SYNPR: variants seen among roughly 807,000 people sequenced by gnomAD.
SYNPR encodes the protein synaptoporin.
In SYNPR, 23 loss-of-function variants were observed where a neutral mutation model predicts 32.9. The ratio of observed to expected loss-of-function variants is 0.70; its 90% CI spans 0.50 to 0.99. The LOEUF (loss-of-function observed/expected upper bound fraction) is 0.99. SYNPR is among the 50% of genes least tolerant of loss of function. The pLI is 0.00. For synonymous variants in SYNPR, 146 were observed against 135.9 expected (o/e 1.07, Z -0.52); for missense variants, 318 against 349.3 (o/e 0.91, Z 0.71).
chr3:63,498,729 G>C (rs1481366685), intron 3 of SYNPR, among the ~76,000 whole-genome samples: 1 of 152,122 alleles, frequency 6.6e-6, no homozygotes, highest in Non-Finnish European at 1.5e-5. Flanking sequence ...GATGCAGTGA[G>C]GCGGGGAGGA....
intron 1 of SYNPR, among the ~76,000 whole-genome samples, chr3:63,239,560 C>T (rs2086224344): frequency 2.0e-5 from 3 of 150,956 alleles, no homozygotes; most frequent in Non-Finnish European, 4.4e-5. Context: ...TGTCACCAAT[C>T]CTACCGTTGT....
chr3:63,294,361 G>A (rs2086772617), intron 2 of SYNPR, among the ~76,000 whole-genome samples: 1 of 152,188 alleles, frequency 6.6e-6, no homozygotes, highest in Non-Finnish European at 1.5e-5. Context: ...CAGTTTGATA[G>A]TGGAAATGAA....
chr3:63,279,133 T>C lies in SYNPR; in HGVS notation c.84+391T>C, dbSNP rs575230951. ...ATGAGGGGATGGGTGGAGGGACCCA[T>C]AGTTGAGCGGAGGAGCCGGGAAGAC... On this transcript the variant is annotated intron_variant, in intron 2 of 5. Coordinates refer to ENST00000478300, the MANE Select transcript of SYNPR (RefSeq NM_001130003.2). Among the ~76,000 whole-genome samples, 36 of 152,150 alleles carry C rather than the reference T, an allele frequency of 2.4e-4. No individual in the cohort carries two copies. The South Asian group carries it at 2.7e-3, about 11-fold the overall frequency.
At chr3:63,203,767 TG>T in the SYNPR span, among the ~76,000 whole-genome samples, 1 of 152,034 alleles carries the variant, frequency 6.6e-6, no homozygotes, top group African/African-American at 2.4e-5. Flanking sequence ...GAGGCCAAGG[TG>T]GGCGGATCAC....
intron 4 of SYNPR, among the ~76,000 whole-genome samples, chr3:63,581,735 C>T (rs1388096057): frequency 6.6e-6 from 1 of 151,978 alleles, no homozygotes; most frequent in African/African-American, 2.4e-5. Context: ...ACCACTCACT[C>T]CAGGAGACTT....
intron 3 of SYNPR, among the ~76,000 whole-genome samples, chr3:63,487,979 T>C (rs1315374044): frequency 6.6e-6 from 1 of 152,110 alleles, no homozygotes; most frequent in Non-Finnish European, 1.5e-5. Context: ...TGCTCTGTCG[T>C]TCCCCCACCC....
chr3:63,442,514 A>G (rs1222047956), intron 2 of SYNPR, among the ~76,000 whole-genome samples: 1 of 152,136 alleles, frequency 6.6e-6, no homozygotes. Context: ...CAAGAATTTG[A>G]TACAAATGCC....
At chr3:63,595,757 A>T (rs66805237) in intron 4 of SYNPR, among the ~76,000 whole-genome samples, 695 of 30,960 alleles carry the variant, frequency 0.022, 37 homozygotes, top group East Asian at 0.06. Context: ...ATATATATAT[A>T]TATATATATA....
At chr3:63,492,249 G>A (rs910809099) in intron 3 of SYNPR, among the ~76,000 whole-genome samples, 3 of 152,162 alleles carry the variant, frequency 2.0e-5, no homozygotes, top group Admixed American at 1.3e-4. Flanking sequence ...AGGAGGAGTA[G>A]GGCATGGGAT....
chr3:63,371,705 C>T (rs2087814160), intron 2 of SYNPR, among the ~76,000 whole-genome samples: 2 of 152,248 alleles, frequency 1.3e-5, no homozygotes, highest in Admixed American at 6.5e-5. Context: ...CACCTGAGTC[C>T]TCGTTCCAAC....
intron 2 of SYNPR, among the ~76,000 whole-genome samples, chr3:63,300,204 C>A (rs2086829297): frequency 6.6e-6 from 1 of 152,056 alleles, no homozygotes; most frequent in South Asian, 2.1e-4. Context: ...GTATGACCTG[C>A]CTCCAGATCT....
chr3:63,261,711 T>TATAATA (rs60616720), intron 2 of SYNPR, among the ~76,000 whole-genome samples: 8,049 of 145,536 alleles, frequency 0.055, 747 homozygotes, highest in African/African-American at 0.19. Flanking sequence ...AAACTTAAAG[T>TATAATA]ATAATAATAA....
intron 2 of SYNPR, among the ~76,000 whole-genome samples, chr3:63,312,460 G>A (rs543720323): frequency 1.1e-3 from 161 of 151,790 alleles, no homozygotes; most frequent in African/African-American, 3.7e-3. Flanking sequence ...TTTTCAGTGG[G>A]GCTATTTCAA....
intron 2 of SYNPR, among the ~76,000 whole-genome samples, chr3:63,387,954 G>A (rs904186360): frequency 1.3e-5 from 2 of 152,158 alleles, no homozygotes; most frequent in African/African-American, 4.8e-5. Flanking sequence ...CAACACCTGG[G>A]GAGGGCAAAG....
intron 3 of SYNPR, among the ~76,000 whole-genome samples, chr3:63,483,953 A>T (rs944615989): frequency 2.0e-5 from 3 of 152,218 alleles, no homozygotes; most frequent in African/African-American, 7.2e-5. Context: ...AAAGAGCAAA[A>T]GGACAATAAA....
intron 3 of SYNPR, among the ~76,000 whole-genome samples, chr3:63,511,760 C>T (rs1432722467): frequency 6.6e-6 from 1 of 152,098 alleles, no homozygotes; most frequent in Non-Finnish European, 1.5e-5. Flanking sequence ...GACTCGTGCA[C>T]TACTTAAAAG....
intron 2 of SYNPR, among the ~76,000 whole-genome samples, chr3:63,313,713 A>G (rs62253881): frequency 0.17 from 9,319 of 54,060 alleles, 2,610 homozygotes; most frequent in Non-Finnish European, 0.25. Flanking sequence ...CCATATATAT[A>G]TATCCATATA....
At chr3:63,439,901 TC>T (rs150045984) in intron 2 of SYNPR, among the ~76,000 whole-genome samples, 3,766 of 152,278 alleles carry the variant, frequency 0.025, 138 homozygotes, top group African/African-American at 0.084. Flanking sequence ...CATTCATTTA[TC>T]CACCAAATCT....
At chr3:63,577,959 G>A (rs1381101549) in intron 4 of SYNPR, among the ~76,000 whole-genome samples, 1 of 152,172 alleles carries the variant, frequency 6.6e-6, no homozygotes, top group African/African-American at 2.4e-5. Context: ...AATGGCAACA[G>A]ATTAGAGAGA....
Sources: allele counts gnomAD v4.1 joint callset (sites outside exome capture counted in the v4.1 genomes callset), GRCh38; gene constraint gnomAD v4.1.1; transcripts MANE v1.5; gene names NCBI Gene and HGNC (gene_info 2026-07-23, HGNC 2026-07-21).